Variants in WWOX observed in about 807,000 individuals in gnomAD.
The protein encoded by WWOX is WW domain-containing oxidoreductase.
WWOX carries 69 observed loss-of-function variants against 46.2 expected under a neutral mutation model. The observed-to-expected ratio is 1.49, with a 90% confidence interval of 1.23 to 1.82. WWOX has a LOEUF of 1.82. Among genes scored for constraint, WWOX ranks in the 40% most tolerant of loss-of-function variants. The pLI is 0.00. For missense variants in WWOX, 919 were observed against 542.6 expected (o/e 1.69, Z -6.89); for synonymous variants, 359 against 202.6 (o/e 1.77, Z -6.56).
chr16:78,164,976 G>A (rs555105462), intron 5 of WWOX, among the ~76,000 whole-genome samples: 44 of 152,360 alleles, frequency 2.9e-4, no homozygotes, highest in African/African-American at 1.1e-3. Flanking sequence ...GGTAAGCCAT[G>A]CAGATGTCAA....
chr16:78,437,303 T>C lies in WWOX; in HGVS notation c.1056+4551T>C, dbSNP rs193237930. Among the ~76,000 whole-genome samples the C allele has an allele frequency of 3.3e-5, 5 of 152,330 alleles. No individual in the cohort carries two copies. The East Asian group carries it at 9.6e-4, about 29-fold the overall frequency. ...GGTCACTCTTCATGGAGTCGGGCTA[T>C]TTTAAGTGCCTCTTTAAGGAATATT... On this transcript the variant is annotated intron_variant, in intron 8 of 8. Transcript: ENST00000566780.
At chr16:78,856,697 T>C (rs563963821) in intron 8 of WWOX, among the ~76,000 whole-genome samples, 1 of 152,208 alleles carries the variant, frequency 6.6e-6, no homozygotes, top group Non-Finnish European at 1.5e-5. Flanking sequence ...AAGGGGCATA[T>C]AATTCAGTAC....
chr16:78,693,990 T>C (rs1283752910), intron 8 of WWOX, among the ~76,000 whole-genome samples: 1 of 152,122 alleles, frequency 6.6e-6, no homozygotes, highest in Non-Finnish European at 1.5e-5. Context: ...CCCAGCACTT[T>C]AGGAGGCCGA....
At chr16:78,919,959 C>A (rs569955410) in intron 8 of WWOX, among the ~76,000 whole-genome samples, 1 of 152,170 alleles carries the variant, frequency 6.6e-6, no homozygotes, top group African/African-American at 2.4e-5. Flanking sequence ...CTACCAAACA[C>A]GTAAGCTTAT....
chr16:78,749,090 C>T (rs1476707580), intron 8 of WWOX, among the ~76,000 whole-genome samples: 1 of 152,142 alleles, frequency 6.6e-6, no homozygotes, highest in African/African-American at 2.4e-5. Flanking sequence ...TGTTTTAGTG[C>T]TTAGGGGTTG....
chr16:79,165,741 C>G (rs553922975), intron 8 of WWOX, among the ~76,000 whole-genome samples: 68 of 152,304 alleles, frequency 4.5e-4, no homozygotes, highest in African/African-American at 1.6e-3. Flanking sequence ...GTGAAAAGCA[C>G]AGGCCAAGCT....
intron 8 of WWOX, among the ~76,000 whole-genome samples, chr16:79,109,064 C>T (rs1479642643): frequency 6.6e-6 from 1 of 151,900 alleles, no homozygotes; most frequent in Admixed American, 6.6e-5. Context: ...TCTTTGTGTC[C>T]GTGAGCATGT....
At chr16:79,027,080 G>A (rs923385361) in intron 8 of WWOX, among the ~76,000 whole-genome samples, 6 of 151,646 alleles carry the variant, frequency 4.0e-5, no homozygotes, top group Non-Finnish European at 8.8e-5. Flanking sequence ...AGCAGTTCAA[G>A]ACCAGCCTTG....
At chr16:78,452,296 T>G (rs12051475) in intron 8 of WWOX, among the ~76,000 whole-genome samples, 18,886 of 152,092 alleles carry the variant, frequency 0.12, 1,831 homozygotes, top group African/African-American at 0.26. Context: ...ATTTAGATTT[T>G]TTCAATTTTT....
intron 8 of WWOX, among the ~76,000 whole-genome samples, chr16:78,833,430 TCCTC>T (rs1318678451): frequency 3.3e-5 from 5 of 151,230 alleles, no homozygotes; most frequent in Non-Finnish European, 7.4e-5. Context: ...CATCTCCTCC[TCCTC>T]CTCCTCCTCC....
At chr16:79,136,375 C>T (rs1043382188) in intron 8 of WWOX, among the ~76,000 whole-genome samples, 1 of 152,122 alleles carries the variant, frequency 6.6e-6, no homozygotes, top group Non-Finnish European at 1.5e-5. Flanking sequence ...GGATTACAGG[C>T]ATGCACCATC....
At chr16:79,011,503 A>AT (rs879278662) in intron 8 of WWOX, among the ~76,000 whole-genome samples, 7 of 124,428 alleles carry the variant, frequency 5.6e-5, no homozygotes, top group African/African-American at 1.7e-4. Context: ...TTATTTATTT[A>AT]TTTTTTGAGA....
chr16:78,472,108 G>A (rs16947624), intron 8 of WWOX, among the ~76,000 whole-genome samples: 1 of 151,886 alleles, frequency 6.6e-6, no homozygotes, highest in East Asian at 1.9e-4. Flanking sequence ...AGAGAGTTGA[G>A]GAAAGCTCAA....
At chr16:78,300,347 A>C (rs1457848657) in intron 5 of WWOX, among the ~76,000 whole-genome samples, 2 of 152,110 alleles carry the variant, frequency 1.3e-5, no homozygotes, top group Non-Finnish European at 2.9e-5. Flanking sequence ...CGGAAAGGAA[A>C]ATTCTTGGCT....
intron 8 of WWOX, among the ~76,000 whole-genome samples, chr16:78,470,523 T>G (rs1351805274): frequency 6.6e-6 from 1 of 151,944 alleles, no homozygotes; most frequent in East Asian, 1.9e-4. Flanking sequence ...TATATATGTA[T>G]GTATGCATGT....
At chr16:79,185,692 T>C (rs1283605743) in intron 8 of WWOX, among the ~76,000 whole-genome samples, 1 of 152,132 alleles carries the variant, frequency 6.6e-6, no homozygotes, top group Admixed American at 6.5e-5. Flanking sequence ...TAAGACATCA[T>C]AGATTTCCTT....
intron 8 of WWOX, among the ~76,000 whole-genome samples, chr16:79,171,947 G>C: frequency 6.6e-6 from 1 of 152,282 alleles, no homozygotes; most frequent in Non-Finnish European, 1.5e-5. Context: ...TTCGATATAC[G>C]CATAAGCTTG....
At chr16:78,466,760 A>G (rs1358485979) in intron 8 of WWOX, among the ~76,000 whole-genome samples, 1 of 152,194 alleles carries the variant, frequency 6.6e-6, no homozygotes, top group African/African-American at 2.4e-5. Flanking sequence ...AGACAGGAGA[A>G]TCACTTGAAC....
Position 78,735,677 on chromosome 16 carries a change from G to A in WWOX, c.1056+302925G>A, listed in dbSNP as rs140871649. 1.1e-3 allele frequency among the ~76,000 whole-genome samples: 166 copies of A among 152,292 alleles called. 5 individuals carry two copies. The East Asian group carries it at 0.019, about 18-fold the overall frequency. ...GCTGGCCTCTTCATCTTCTCCTGGC[G>A]TCACCACGGCCACCGTGATGCCTGG... On this transcript the variant is annotated intron_variant, in intron 8 of 8. Transcript: ENST00000566780.
Sources: allele counts gnomAD v4.1 joint callset (sites outside exome capture counted in the v4.1 genomes callset), GRCh38; gene constraint gnomAD v4.1.1; transcripts MANE v1.5; gene names NCBI Gene and HGNC (gene_info 2026-07-23, HGNC 2026-07-21).